The following PNKD variants were observed in gnomAD, a reference collection of about 807,000 sequenced individuals.
PNKD encodes PNKD metallo-beta-lactamase domain containing, also known as probable thioesterase PNKD.
PNKD carries 36 observed loss-of-function variants against 45.3 expected under a neutral mutation model. The ratio of observed to expected loss-of-function variants is 0.80; its 90% confidence interval spans 0.61 to 1.05. The LOEUF (loss-of-function observed/expected upper bound fraction) is 1.05, where lower values mean the gene tolerates loss of function less well. Ranked by LOEUF, PNKD falls within the 50% of genes least tolerant of loss-of-function variation. PNKD has a pLI of 0.00. For synonymous variants in PNKD, 197 were observed against 210.1 expected (o/e 0.94, Z 0.54); for missense variants, 511 against 506.6 (o/e 1.01, Z -0.08).
At chr2:218,271,976 A>G (rs184143070) in intron 2 of PNKD, among the ~76,000 whole-genome samples, 1 of 152,318 alleles carries the variant, frequency 6.6e-6, no homozygotes, top group African/African-American at 2.4e-5. Context: ...GGAGGAAGAA[A>G]TCAACATTTT....
At chr2:218,331,557 G>A (rs1053759963) in intron 2 of PNKD, among the ~76,000 whole-genome samples, 1 of 152,092 alleles carries the variant, frequency 6.6e-6, no homozygotes, top group African/African-American at 2.4e-5. Flanking sequence ...TGCAACCTCT[G>A]CCTGCCAGGT....
chr2:218,336,828 C>T (rs1411388840), intron 2 of PNKD, among the ~76,000 whole-genome samples: 1 of 112,226 alleles, frequency 8.9e-6, no homozygotes, highest in Non-Finnish European at 1.7e-5. Context: ...CAGAGTTTCA[C>T]TCTTGTTGCC....
At chr2:218,281,911 C>A (rs777285772) in intron 2 of PNKD, 6 of 1,550,926 alleles carry the variant, frequency 3.9e-6, no homozygotes, top group Non-Finnish European at 5.2e-6. Context: ...CCCTCCCACC[C>A]ACCTTCCATC....
In PNKD at chr2:218,277,780, G is replaced by C. The variant is rs1691387233; in HGVS notation, c.236+6231G>C. On this transcript the variant is annotated intron_variant, in intron 2 of 9. Transcript: ENST00000273077. ...CAGAGCTGGGGAACGCCACCAAGTT[G>C]GAAAGAGGCAGCCACAGAGGAGATC... The C allele has an allele frequency of 9.7e-6, 15 of 1,546,848 alleles. No individual in the cohort carries two copies. In the South Asian group the frequency reaches 1.7e-4, roughly 17 times the overall value.
chr2:218,272,221 G>C (rs960546374), intron 2 of PNKD, among the ~76,000 whole-genome samples: 1 of 152,096 alleles, frequency 6.6e-6, no homozygotes, highest in Non-Finnish European at 1.5e-5. Context: ...GAAAGCGTCA[G>C]GGCTGCCTGG....
At chr2:218,279,341 T>C (rs1383781696) in intron 2 of PNKD, 5 of 1,583,326 alleles carry the variant, frequency 3.2e-6, no homozygotes, top group African/African-American at 1.4e-5. Context: ...TGCACGGAGA[T>C]GATGGAGTAA....
rs942331496 is a variant in PNKD, at chr2:218,272,392, AG to A, written c.236+846del. 2.4e-4 allele frequency among the ~76,000 whole-genome samples: 37 copies of A among 152,220 alleles called. 1 individual carries two copies. The highest frequency in any genetic ancestry group is 7.7e-4 in the African/African-American group (32 of 41,452). ...GTGATGGAGTTACGGGGTTTTAAGC[AG>A]GGAAGTGACAGGATCTGATTTGTGT... On this transcript the variant is annotated intron_variant, in intron 2 of 9. Transcript: ENST00000273077.
intron 2 of PNKD, among the ~76,000 whole-genome samples, chr2:218,314,459 G>T (rs1431914584): frequency 1.3e-5 from 2 of 151,980 alleles, no homozygotes; most frequent in East Asian, 3.9e-4. Context: ...CTGGGCTCAA[G>T]CGATCCTCCC....
chr2:218,324,521 T>C (rs1694086687), intron 2 of PNKD, among the ~76,000 whole-genome samples: 1 of 152,196 alleles, frequency 6.6e-6, no homozygotes, highest in Non-Finnish European at 1.5e-5. Context: ...GGGGTGGGGA[T>C]CTTGTGTTTG....
At chr2:218,320,820 G>C (rs1693967624) in intron 2 of PNKD, among the ~76,000 whole-genome samples, 1 of 152,244 alleles carries the variant, frequency 6.6e-6, no homozygotes, top group Admixed American at 6.5e-5. Context: ...AGGGTATAAA[G>C]TACAGGAGAG....
At chr2:218,335,942 C>T (rs1411695131) in intron 2 of PNKD, among the ~76,000 whole-genome samples, 1 of 152,158 alleles carries the variant, frequency 6.6e-6, no homozygotes, top group African/African-American at 2.4e-5. Flanking sequence ...GTCAGCCAGG[C>T]GTGGTGGCTC....
intron 2 of PNKD, chr2:218,278,417 C>A (rs2106196225): frequency 8.1e-7 from 1 of 1,241,240 alleles, no homozygotes; most frequent in East Asian, 2.3e-5. Flanking sequence ...TTGTAAGTTT[C>A]CATTCAGCTG....
At chr2:218,307,853 C>T (rs889216471) in intron 2 of PNKD, among the ~76,000 whole-genome samples, 1 of 152,054 alleles carries the variant, frequency 6.6e-6, no homozygotes, top group South Asian at 2.1e-4. Flanking sequence ...AGGAAAAAGG[C>T]ATGCTCCATT....
intron 1 of PNKD, 44 bp from the exon 2 acceptor site, chr2:218,271,337 T>G (rs775851681): frequency 2.5e-6 from 4 of 1,591,574 alleles, no homozygotes; most frequent in Middle Eastern, 1.7e-4. Context: ...CCGCTTGCTT[T>G]CTTCTCATCT....
Position 218,345,979 on chromosome 2 carries a change from C to G in PNKD, c.*998C>G, listed in dbSNP as rs533807628. On this transcript the variant is annotated 3_prime_UTR_variant, in exon 10 of 10. Coordinates refer to ENST00000273077, the MANE Select transcript of PNKD (RefSeq NM_015488.5). ...AACCTGACACTCATCTGGCCCTTTG[C>G]AGTTTGCCAGCCATATTCCCATGTG... The G allele has an allele frequency of 9.2e-5, 14 of 152,520 alleles. No homozygotes were observed. The highest frequency in any genetic ancestry group is 3.4e-4 in the African/African-American group (14 of 41,588). The allele number at this position is 152,520 out of a possible 1,614,324, so 9.4% of individuals were successfully genotyped here.
intron 2 of PNKD, among the ~76,000 whole-genome samples, chr2:218,297,706 A>AAAAAAAC (rs779518751): frequency 8.5e-6 from 1 of 117,188 alleles, no homozygotes. Flanking sequence ...AAAAAAAAAA[A>AAAAAAAC]AGAGAGAAGA....
At chr2:218,279,148 G>T (rs1691585134) in intron 2 of PNKD, 4 of 1,607,904 alleles carry the variant, frequency 2.5e-6, no homozygotes, top group Non-Finnish European at 3.4e-6. Context: ...CCCCACCCAG[G>T]CCAGCCAGGC....
chr2:218,272,660 G>A, intron 2 of PNKD: 2 of 1,614,212 alleles, frequency 1.2e-6, no homozygotes, highest in Middle Eastern at 1.7e-4. Context: ...AGGCTCGGCA[G>A]AACATGCGGT....
chr2:218,276,613 A>C (rs1482501761), intron 2 of PNKD, among the ~76,000 whole-genome samples: 1 of 150,842 alleles, frequency 6.6e-6, no homozygotes, highest in Non-Finnish European at 1.5e-5. Context: ...CCAGCTGAAC[A>C]GAATAAAGGA....
Sources: allele counts gnomAD v4.1 joint callset (sites outside exome capture counted in the v4.1 genomes callset), GRCh38; gene constraint gnomAD v4.1.1; transcripts MANE v1.5; gene names NCBI Gene and HGNC (gene_info 2026-07-23, HGNC 2026-07-21).